The following BSCL2 variants were observed in gnomAD, a reference collection of about 807,000 sequenced individuals.
BSCL2 encodes the protein seipin.
A neutral mutation model predicts 57.4 loss-of-function variants in BSCL2; 41 were observed. The observed-to-expected ratio is 0.71, with a 90% CI of 0.56 to 0.93. BSCL2 has a LOEUF of 0.93. Ranked by LOEUF, BSCL2 falls within the 40% of genes least tolerant of loss-of-function variation. The pLI is 0.00. For missense variants in BSCL2, 539 were observed against 586.7 expected, an observed-to-expected ratio of 0.92 and a Z score of 0.84; for synonymous variants, 237 against 227.3, an observed-to-expected ratio of 1.04 and a Z score of -0.38.
Position 62,691,059 on chromosome 11 carries a change from C to G in BSCL2, c.1072+16G>C. The G allele has an allele frequency of 6.2e-7, 1 of 1,614,148 alleles. No homozygotes were observed. ...AACCTAGCCCACCTCAACAGCTCCC[C>G]AGCCAACACCTTTACCTGGCTGATG... On this transcript the variant is annotated intron_variant, in intron 8 of 10. Transcript: ENST00000360796.
chr11:62,690,628 C>G lies in BSCL2; in HGVS notation c.1218G>C (p.Glu406Asp), dbSNP rs1173283308. 2 of 1,614,014 alleles carry G rather than the reference C, an allele frequency of 1.2e-6. No individual in the cohort carries two copies. The highest frequency in any genetic ancestry group is 2.2e-5 in the East Asian group (1 of 44,892). The change falls in exon 10 of 11, where the codon GAG (glutamate) becomes GAC (aspartate). Residue 406 changes from glutamate (E) to aspartate (D), a missense_variant. By Grantham distance (45) the Glu-to-Asp change is conservative. Transcript: ENST00000360796. ...QQPLSGEEEL[E>D]PEASDGSGSW... ...GCCCCTCACCATCACTGGCCTCAGG[C>G]TCTAGCTCCTCTTCTCCGCTCAGGG...
At chr11:62,698,992 G>A (rs1482220278) in intron 3 of BSCL2, among the ~76,000 whole-genome samples, 2 of 151,924 alleles carry the variant, frequency 1.3e-5, no homozygotes, top group African/African-American at 2.4e-5. Context: ...TGCAACCTCC[G>A]CCTCCTGGGT....
intron 2 of BSCL2, 44 bp from the exon 3 acceptor site, chr11:62,702,593 T>C: frequency 1.3e-6 from 2 of 1,547,696 alleles, no homozygotes; most frequent in Non-Finnish European, 8.9e-7. Context: ...TTAGTCTTAC[T>C]AGTCCATCCA....
At chr11:62,705,976 G>T in intron 1 of BSCL2, 1 of 228,504 alleles carries the variant, frequency 4.4e-6, no homozygotes, top group South Asian at 7.5e-5. Flanking sequence ...CTGCTAGGCA[G>T]CTGCACGGAG....
upstream of BSCL2, chr11:62,708,088 G>A (rs2083573121): frequency 2.0e-5 from 12 of 597,096 alleles, no homozygotes; most frequent in South Asian, 1.2e-4. Context: ...CCCAGGCCAT[G>A]AGGGAGTTTG....
At chr11:62,704,495 G>A (rs1265396894) in intron 2 of BSCL2, among the ~76,000 whole-genome samples, 2 of 151,934 alleles carry the variant, frequency 1.3e-5, no homozygotes, top group Non-Finnish European at 2.9e-5. Flanking sequence ...GCAGTGAGCC[G>A]ACATGGCACC....
At chr11:62,692,942 C>CA (rs1162509672) in intron 4 of BSCL2, 145 bp from the exon 5 acceptor site, 3 of 988,260 alleles carry the variant, frequency 3.0e-6, no homozygotes, top group East Asian at 2.6e-5. Flanking sequence ...TCCTACCCCT[C>CA]AGTCTCATCC....
Position 62,690,673 on chromosome 11 carries a change from C to T in BSCL2, c.1173G>A (p.Glu391=), listed in dbSNP as rs758800110. The T allele has an allele frequency of 2.5e-6, 4 of 1,613,770 alleles. No homozygotes were observed. The African/African-American group carries it at 5.3e-5, about 22-fold the overall frequency. ...PSGTEGQLSE[E]EKPDQQPLSG... Reference sequence around the variant, plus strand: ...TCAGGGGCTGCTGATCTGGTTTCTCCTCCTCGGACAGCTGACCCTCTGCAG... The same window carrying T: ...TCAGGGGCTGCTGATCTGGTTTCTCTTCCTCGGACAGCTGACCCTCTGCAG... The change falls in exon 10 of 11, where the codon GAG becomes GAA. Residue 391 remains glutamate, a synonymous_variant. Transcript: ENST00000360796.
upstream of BSCL2, chr11:62,709,416 AAACGTGC>A: frequency 2.2e-6 from 1 of 454,024 alleles, no homozygotes; most frequent in Non-Finnish European, 4.4e-6. Flanking sequence ...ACACACACAC[AAACGTGC>A]AACGAAGCCA....
intron 6 of BSCL2, 26 bp from the exon 7 acceptor site, chr11:62,691,447 G>C: frequency 6.2e-7 from 1 of 1,613,148 alleles, no homozygotes; most frequent in Non-Finnish European, 8.5e-7. Context: ...GGGACAAGAA[G>C]GTAGTAGCAG....
At chr11:62,705,891 C>A in intron 1 of BSCL2, 1 of 475,740 alleles carries the variant, frequency 2.1e-6, no homozygotes, top group Non-Finnish European at 3.7e-6. Context: ...TTCTCATTCA[C>A]AGCTATATAA....
chr11:62,701,150 T>A (rs1213696614), intron 3 of BSCL2, among the ~76,000 whole-genome samples: 3 of 152,186 alleles, frequency 2.0e-5, no homozygotes, highest in Non-Finnish European at 4.4e-5. Flanking sequence ...GTTATATAAA[T>A]GCTTTCAAAA....
At position 62,707,203 on chromosome 11, in the gene BSCL2, AC is replaced by A; in HGVS notation, c.-9del. ...TACCTTTTCTGTAGACATCTTCCTG[AC>A]GAGCCTCTGTTGACTCTGGATCTTC... On this transcript the variant is annotated 5_prime_UTR_variant, in exon 1 of 11. Coordinates refer to ENST00000360796, the MANE Select transcript of BSCL2 (RefSeq NM_001122955.4). The A allele has an allele frequency of 6.4e-7, 1 of 1,551,830 alleles. No individual in the cohort carries two copies.
At chr11:62,706,065 T>C in intron 1 of BSCL2, 1 of 325,844 alleles carries the variant, frequency 3.1e-6, no homozygotes, top group Non-Finnish European at 4.6e-6. Flanking sequence ...GCTTCCCGAG[T>C]TTCTCCTCTC....
At chr11:62,698,442 C>T (rs1945541060) in intron 3 of BSCL2, among the ~76,000 whole-genome samples, 1 of 152,122 alleles carries the variant, frequency 6.6e-6, no homozygotes, top group Admixed American at 6.6e-5. Flanking sequence ...AGGTGATCCA[C>T]CCGCCTCGGC....
intron 3 of BSCL2, among the ~76,000 whole-genome samples, chr11:62,695,042 G>T (rs926726513): frequency 6.6e-6 from 1 of 152,222 alleles, no homozygotes; most frequent in Non-Finnish European, 1.5e-5. Flanking sequence ...CCTATGGGCC[G>T]GTGAGGCTGT....
chr11:62,691,276 C>T lies in BSCL2; in HGVS notation c.1005+4G>A, dbSNP rs367731146. On this transcript the variant is annotated splice_donor_region_variant and intron_variant, in intron 7 of 10. Coordinates refer to ENST00000360796, the MANE Select transcript of BSCL2 (RefSeq NM_001122955.4). ...GACAAAAGGGGGTCCTTGCCCCTTT[C>T]GACCTGCAAAGAGAAGCGGTGTCGG... is the stretch of plus-strand genomic sequence containing the variant. The T allele has an allele frequency of 6.8e-6, 11 of 1,614,018 alleles. No individual in the cohort carries two copies. The highest frequency in any genetic ancestry group is 3.3e-4 in the Middle Eastern group (2 of 6,084).
At position 62,691,279 on chromosome 11, in the gene BSCL2, C is replaced by T; in HGVS notation, c.1005+1G>A. 6.2e-7 allele frequency: 1 copy of T among 1,614,180 alleles called. No homozygotes were observed. Among genetic ancestry groups the T allele is most frequent in the Non-Finnish European group, 8.5e-7 (1 of 1,180,024 alleles). ...AAAAGGGGGTCCTTGCCCCTTTCGA[C>T]CTGCAAAGAGAAGCGGTGTCGGGGC... On this transcript the variant is annotated splice_donor_variant, in intron 7 of 10. Coordinates refer to ENST00000360796, the MANE Select transcript of BSCL2 (RefSeq NM_001122955.4). LOFTEE classifies it high-confidence loss of function.
rs184578129 is a variant in BSCL2 at position 62,698,991 on chromosome 11, C to T, written c.486+3477G>A. Among the ~76,000 whole-genome samples the T allele has an allele frequency of 8.3e-3, 1,257 of 152,034 alleles. 8 individuals carry two copies. Among genetic ancestry groups the T allele is most frequent in the Non-Finnish European group, 0.012 (803 of 68,010 alleles). On this transcript the variant is annotated intron_variant, in intron 3 of 10. Coordinates refer to ENST00000360796, the MANE Select transcript of BSCL2 (RefSeq NM_001122955.4). The stretch of plus-strand genomic sequence containing the variant: ...CACGATCTCAGCTCACTGCAACCTC[C>T]GCCTCCTGGGTTCAAGTGATTCTCC...
Sources: allele counts gnomAD v4.1 joint callset (sites outside exome capture counted in the v4.1 genomes callset), GRCh38; gene constraint gnomAD v4.1.1; transcripts MANE v1.5; gene names NCBI Gene and HGNC (gene_info 2026-07-23, HGNC 2026-07-21).